Variants in CAST observed in about 807,000 individuals in gnomAD.
CAST encodes MIR583 host.
CAST carries 76 observed loss-of-function variants against 119.6 expected under a neutral mutation model. The observed-to-expected ratio is 0.64, with a 90% CI of 0.53 to 0.77. The LOEUF (loss-of-function observed/expected upper bound fraction) is 0.77. Among genes scored for constraint, CAST ranks in the 30% least tolerant of loss-of-function variants. CAST has a pLI of 0.00. For synonymous variants in CAST, 319 were observed against 331.6 expected, an observed-to-expected ratio of 0.96 and a Z score of 0.41; for missense variants, 953 against 946.5, an observed-to-expected ratio of 1.01 and a Z score of -0.09.
intron 1 of CAST, among the ~76,000 whole-genome samples, chr5:96,662,814 C>T (rs1329806362): frequency 1.3e-5 from 2 of 152,300 alleles, no homozygotes; most frequent in South Asian, 2.1e-4. Context: ...TCACTCAGGA[C>T]CCCCGAGTGA....
the CAST span, among the ~76,000 whole-genome samples, chr5:96,198,976 T>C: frequency 6.6e-6 from 1 of 152,168 alleles, no homozygotes; most frequent in Non-Finnish European, 1.5e-5. Flanking sequence ...TTACTGGTCT[T>C]ATGACTTAAA....
At chr5:96,341,912 G>A in the CAST span, among the ~76,000 whole-genome samples, 4 of 152,054 alleles carry the variant, frequency 2.6e-5, no homozygotes, top group African/African-American at 9.7e-5. Context: ...ATGATTTCGT[G>A]GATTTAATAG....
the CAST span, among the ~76,000 whole-genome samples, chr5:96,362,473 C>T: frequency 6.6e-6 from 1 of 152,192 alleles, no homozygotes; most frequent in East Asian, 1.9e-4. Flanking sequence ...GTTCCTATTT[C>T]TCCACATCCT....
the CAST span, among the ~76,000 whole-genome samples, chr5:96,293,103 C>A: frequency 2.6e-5 from 4 of 152,278 alleles, no homozygotes; most frequent in Middle Eastern, 6.8e-3. Flanking sequence ...ATTCCAGTGG[C>A]CTCCATTCAC....
At chr5:96,261,338 AG>A in the CAST span, among the ~76,000 whole-genome samples, 1 of 152,248 alleles carries the variant, frequency 6.6e-6, no homozygotes, top group Non-Finnish European at 1.5e-5. Flanking sequence ...TTTCTGAGAA[AG>A]AAACAATTAA....
the CAST span, among the ~76,000 whole-genome samples, chr5:95,994,147 A>C: frequency 6.6e-6 from 1 of 152,126 alleles, no homozygotes; most frequent in East Asian, 1.9e-4. Flanking sequence ...ATATGACCCA[A>C]CACTCTCCTA....
At chr5:96,322,330 C>T in the CAST span, among the ~76,000 whole-genome samples, 5 of 152,196 alleles carry the variant, frequency 3.3e-5, no homozygotes, top group East Asian at 7.7e-4. Context: ...AGAGCCTTGC[C>T]AGAGGTGAGG....
the CAST span, among the ~76,000 whole-genome samples, chr5:96,387,370 T>C: frequency 6.6e-6 from 1 of 152,170 alleles, no homozygotes; most frequent in African/African-American, 2.4e-5. Flanking sequence ...TATTAAGTGC[T>C]AGTAAAGAAT....
the CAST span, among the ~76,000 whole-genome samples, chr5:96,252,479 G>A: frequency 1.3e-5 from 2 of 151,980 alleles, no homozygotes; most frequent in African/African-American, 4.8e-5. Context: ...CCTTTGCATT[G>A]TTTTTTGAAG....
chr5:96,722,957 G>GTTTTA, intron 4 of CAST, among the ~76,000 whole-genome samples: 1 of 151,178 alleles, frequency 6.6e-6, no homozygotes, highest in Middle Eastern at 3.4e-3. Flanking sequence ...GTTTTGTTTT[G>GTTTTA]TTTTGAGACA....
the CAST span, among the ~76,000 whole-genome samples, chr5:96,172,273 A>G: frequency 6.6e-6 from 1 of 152,176 alleles, no homozygotes; most frequent in Non-Finnish European, 1.5e-5. Flanking sequence ...GGCCATTTTC[A>G]CTTCTTTTGT....
At chr5:96,751,663 T>C (rs1190069197) in intron 20 of CAST, among the ~76,000 whole-genome samples, 1 of 152,112 alleles carries the variant, frequency 6.6e-6, no homozygotes, top group Non-Finnish European at 1.5e-5. Flanking sequence ...AGGACTCTGG[T>C]GAAGAAAGCA....
At chr5:95,976,223 A>G in the CAST span, among the ~76,000 whole-genome samples, 5 of 151,064 alleles carry the variant, frequency 3.3e-5, no homozygotes, top group Non-Finnish European at 4.4e-5. Flanking sequence ...GCCCACATCA[A>G]CCACTTAAAA....
At chr5:96,092,902 A>T in the CAST span, among the ~76,000 whole-genome samples, 2 of 152,186 alleles carry the variant, frequency 1.3e-5, no homozygotes, top group African/African-American at 4.8e-5. Flanking sequence ...AGGATCACAG[A>T]GCTATTTAGC....
upstream of CAST, among the ~76,000 whole-genome samples, chr5:96,522,554 A>G (rs10476682): frequency 0.39 from 58,607 of 152,068 alleles, 11,557 homozygotes; most frequent in East Asian, 0.57. Flanking sequence ...AGAGACTTTA[A>G]GAAAATGTAG....
intron 3 of CAST, among the ~76,000 whole-genome samples, chr5:96,706,782 T>G (rs1755066147): frequency 1.3e-5 from 2 of 152,224 alleles, no homozygotes. Flanking sequence ...TTTGTGGAAC[T>G]GAGAGTTCTG....
At chr5:96,674,269 A>G in intron 1 of CAST, among the ~76,000 whole-genome samples, 1 of 151,306 alleles carries the variant, frequency 6.6e-6, no homozygotes, top group East Asian at 1.9e-4. Context: ...TTTTTGTATC[A>G]AGACTGTATG....
intron 22 of CAST, 40 bp downstream of exon 22, chr5:96,754,781 A>AG: frequency 9.7e-6 from 11 of 1,132,684 alleles, no homozygotes; most frequent in Non-Finnish European, 1.5e-5. Context: ...ATTTTAATTC[A>AG]TACTGAATTC....
chr5:96,265,002 A>G, the CAST span, among the ~76,000 whole-genome samples: 2 of 152,220 alleles, frequency 1.3e-5, no homozygotes, highest in African/African-American at 4.8e-5. Flanking sequence ...CCATGTATTT[A>G]GGTGAATGTA....
Sources: gnomAD v4.1 joint callset for allele counts (sites outside exome capture counted in the v4.1 genomes callset) on GRCh38, gnomAD v4.1.1 for gene constraint, MANE v1.5 for transcripts, NCBI Gene and HGNC (gene_info 2026-07-23, HGNC 2026-07-21) for gene names.